NCKAP1L: variants seen among roughly 807,000 people sequenced by gnomAD.
The protein encoded by NCKAP1L is NCK associated protein 1 like.
In NCKAP1L, 53 loss-of-function variants were observed where a neutral mutation model predicts 139.2. That is an observed-to-expected ratio of 0.38 (90% confidence interval 0.31 to 0.48). NCKAP1L has a LOEUF of 0.48. Among genes scored for constraint, NCKAP1L ranks in the 20% least tolerant of loss-of-function variants. The pLI is 0.98. For missense variants in NCKAP1L, 1,151 were observed against 1,381.9 expected (o/e 0.83, Z 2.65); for synonymous variants, 468 against 499.7 (o/e 0.94, Z 0.85).
At chr12:54,538,779 A>G in intron 29 of NCKAP1L, 105 bp from the exon 30 acceptor site, 2 of 828,096 alleles carry the variant, frequency 2.4e-6, no homozygotes, top group South Asian at 3.1e-5. Context: ...GGAACATTCT[A>G]GCACTTCTTA....
chr12:54,511,169 G>T (rs1956885415), intron 7 of NCKAP1L, among the ~76,000 whole-genome samples: 1 of 152,182 alleles, frequency 6.6e-6, no homozygotes, highest in African/African-American at 2.4e-5. Flanking sequence ...ATCATGAGAA[G>T]ATTTCTGAGT....
At chr12:54,539,755 A>T (rs1400165777) in intron 30 of NCKAP1L, among the ~76,000 whole-genome samples, 1 of 152,232 alleles carries the variant, frequency 6.6e-6, no homozygotes, top group Admixed American at 6.5e-5. Flanking sequence ...CCTCTGGCCA[A>T]TGGGAAGAGG....
rs1190786280 is a variant in NCKAP1L, at chr12:54,506,795, AAATATAT to A, written c.307-1056_307-1050del. ...CTTTTGGCAACATATTAAAAAAAAA[AAATATAT>A]ATATATATATATATATATATATTCC... On this transcript the variant is annotated intron_variant, in intron 3 of 30. Transcript: ENST00000293373. Among the ~76,000 whole-genome samples the A allele has an allele frequency of 9.0e-4, 74 of 82,410 alleles. 4 individuals are homozygous for A. The East Asian group carries it at 0.022, about 24-fold the overall frequency. 54.1% of individuals were successfully genotyped at this position (82,410 alleles called of 152,430 possible). A position where few individuals can be genotyped will look rare whatever the true frequency, so the allele number is the denominator to read the frequency against.
intron 7 of NCKAP1L, chr12:54,510,292 C>G: frequency 2.1e-6 from 1 of 485,682 alleles, no homozygotes; most frequent in Non-Finnish European, 3.8e-6. Flanking sequence ...ACCTATTAAG[C>G]CTAGCAGCAA....
intron 1 of NCKAP1L, chr12:54,498,784 G>C (rs1325697983): frequency 1.0e-6 from 1 of 985,246 alleles, no homozygotes; most frequent in African/African-American, 1.7e-5. Flanking sequence ...CTTCCTCTTT[G>C]TGCTGGGGCC....
At chr12:54,527,491 G>T (rs909022600) in intron 21 of NCKAP1L, among the ~76,000 whole-genome samples, 2 of 152,188 alleles carry the variant, frequency 1.3e-5, no homozygotes, top group Admixed American at 1.3e-4. Flanking sequence ...AACAGCCACC[G>T]CTTAGCTCCA....
intron 21 of NCKAP1L, 30 bp downstream of exon 21, chr12:54,526,776 T>C: frequency 6.3e-7 from 1 of 1,580,060 alleles, no homozygotes; most frequent in Non-Finnish European, 8.7e-7. Flanking sequence ...TTCCACTGCC[T>C]TACTTTGTGT....
intron 26 of NCKAP1L, among the ~76,000 whole-genome samples, chr12:54,533,963 G>A (rs992531208): frequency 1.3e-5 from 2 of 152,286 alleles, no homozygotes; most frequent in South Asian, 2.1e-4. Flanking sequence ...ATCTAAAAAG[G>A]GGTCTAGGTA....
rs1555173056 is a variant in NCKAP1L at position 54,545,891 on chromosome 12, C to T, written c.*3206C>T. On this transcript the variant is annotated 3_prime_UTR_variant, in exon 31 of 31. Transcript: ENST00000293373. ...TGTTTGGACAGTAGAAACACTGCCT[C>T]CCCTGCCATGGTGTTCAATCCAGTT... 1 of 152,254 alleles carries T rather than the reference C, an allele frequency of 6.6e-6. No homozygotes were observed. The highest frequency in any genetic ancestry group is 1.5e-5 in the Non-Finnish European group (1 of 68,054). 9.4% of individuals were successfully genotyped at this position (152,254 alleles called of 1,614,324 possible). A position where few individuals can be genotyped will look rare whatever the true frequency, so the allele number is the denominator to read the frequency against.
chr12:54,511,558 C>T (rs1478803439), intron 7 of NCKAP1L, among the ~76,000 whole-genome samples: 1 of 152,184 alleles, frequency 6.6e-6, no homozygotes, highest in Non-Finnish European at 1.5e-5. Flanking sequence ...AGGTGCACAC[C>T]GCCATGTCTG....
chr12:54,523,580 C>CAAAGAAGGCAGGAAAGG lies in NCKAP1L; in HGVS notation c.2024+47_2024+63dup. On this transcript the variant is annotated intron_variant, in intron 19 of 30. Coordinates refer to ENST00000293373, the MANE Select transcript of NCKAP1L (RefSeq NM_005337.5). The stretch of plus-strand genomic sequence containing the variant: ...CTAGATGGCCAGCTGGGTACTGCAT[C>CAAAGAAGGCAGGAAAGG]AAAGAAGGCAGGAAAGGAAAGAGGG... 3 of 1,571,782 alleles carry CAAAGAAGGCAGGAAAGG rather than the reference C, an allele frequency of 1.9e-6. No homozygotes were observed. The South Asian group carries it at 3.6e-5, about 19-fold the overall frequency.
At chr12:54,509,012 C>A (rs1056114657) in intron 5 of NCKAP1L, among the ~76,000 whole-genome samples, 1 of 152,168 alleles carries the variant, frequency 6.6e-6, no homozygotes, top group Non-Finnish European at 1.5e-5. Context: ...GGCTTCTACT[C>A]TGATTTTCAG....
At chr12:54,504,042 G>GT (rs1956823183) in intron 3 of NCKAP1L, among the ~76,000 whole-genome samples, 3 of 152,162 alleles carry the variant, frequency 2.0e-5, no homozygotes, top group Admixed American at 2.0e-4. Flanking sequence ...GATGTAAGAT[G>GT]TAAGATGTCC....
In NCKAP1L at chr12:54,517,660, C is replaced by G; in HGVS notation, c.1205+18C>G. On this transcript the variant is annotated intron_variant, in intron 12 of 30. Transcript: ENST00000293373. ...GCTGACTCGTTAGTACTTGACATGG[C>G]TAAGAACCTTGTCCTTAGATGGACT... The G allele has an allele frequency of 6.3e-7, 1 of 1,594,988 alleles. No individual in the cohort carries two copies. The highest frequency in any genetic ancestry group is 8.6e-7 in the Non-Finnish European group (1 of 1,162,542).
At position 54,506,785 on chromosome 12, in the gene NCKAP1L, T is replaced by TAAAAAAA. The variant is rs1291340610; in HGVS notation, c.307-1062_307-1056dup. ...CTGTTCAAATCTTTTGGCAACATAT[T>TAAAAAAA]AAAAAAAAAAAATATATATATATAT... is the stretch of plus-strand genomic sequence containing the variant. On this transcript the variant is annotated intron_variant, in intron 3 of 30. Transcript: ENST00000293373. Among the ~76,000 whole-genome samples the TAAAAAAA allele has an allele frequency of 6.3e-4, 38 of 60,342 alleles. 1 individual carries two copies. In the East Asian group the frequency reaches 0.021, roughly 34 times the overall value. 39.6% of individuals were successfully genotyped at this position (60,342 alleles called of 152,430 possible).
chr12:54,522,752 C>G (rs1268103834), intron 18 of NCKAP1L, among the ~76,000 whole-genome samples: 4 of 152,212 alleles, frequency 2.6e-5, no homozygotes, highest in Non-Finnish European at 4.4e-5. Context: ...TGCTCATGCT[C>G]AGCAGCTCTG....
At position 54,531,284 on chromosome 12, in the gene NCKAP1L, T is replaced by C; in HGVS notation, c.2531T>C (p.Leu844Pro). The C allele has an allele frequency of 1.2e-6, 2 of 1,614,182 alleles. No homozygotes were observed. Among genetic ancestry groups the C allele is most frequent in the South Asian group, 1.1e-5 (1 of 91,090 alleles). ...ISEMRALAEL[L>P]GPYGMKFLSE... The stretch of plus-strand genomic sequence containing the variant: ...GAGATGCGGGCCTTGGCAGAACTCC[T>C]GGGCCCCTATGGCATGAAGTTCCTG... Residue 844 changes from leucine (L) to proline (P), a missense_variant, in exon 23 of 31, where the codon CTG becomes CCG. Leu to Pro is a moderately conservative substitution (Grantham distance 98). Coordinates refer to ENST00000293373, the MANE Select transcript of NCKAP1L (RefSeq NM_005337.5).
At chr12:54,503,893 G>A (rs1449952728) in intron 3 of NCKAP1L, among the ~76,000 whole-genome samples, 1 of 151,740 alleles carries the variant, frequency 6.6e-6, no homozygotes, top group Non-Finnish European at 1.5e-5. Context: ...CACCTGCCTC[G>A]GCCTCCCAAA....
chr12:54,509,925 C>T lies in NCKAP1L; in HGVS notation c.675C>T (p.Ala225=). 1 of 1,614,218 alleles carries T rather than the reference C, an allele frequency of 6.2e-7. No homozygotes were observed. Among genetic ancestry groups the T allele is most frequent in the Non-Finnish European group, 8.5e-7 (1 of 1,180,034 alleles). The change falls in exon 7 of 31, where the codon GCC becomes GCT. Residue 225 remains alanine, a synonymous_variant. Transcript: ENST00000293373. ...AGGGGGCTGAGCAGTGGCGCAGTGC[C>T]CAACTTCTAAGCCTCATCAGCAACC... is the stretch of plus-strand genomic sequence containing the variant. ...RNQGAEQWRS[A]QLLSLISNPP... is the part of the protein sequence containing the mutation.
Sources: allele counts gnomAD v4.1 joint callset (sites outside exome capture counted in the v4.1 genomes callset), GRCh38; gene constraint gnomAD v4.1.1; transcripts MANE v1.5; gene names NCBI Gene and HGNC (gene_info 2026-07-23, HGNC 2026-07-21).